AOPEP: variants seen among roughly 807,000 people sequenced by gnomAD.
The protein encoded by AOPEP is aminopeptidase O.
In AOPEP, 77 loss-of-function variants were observed where a neutral mutation model predicts 98.1. The ratio of observed to expected loss-of-function variants is 0.78; its 90% CI spans 0.65 to 0.95. The LOEUF is 0.95. AOPEP is among the 40% of genes least tolerant of loss of function. The pLI, the probability that AOPEP is intolerant of heterozygous loss-of-function variation, is 0.00. For synonymous variants in AOPEP, 346 were observed against 365.3 expected, an observed-to-expected ratio of 0.95 and a Z score of 0.60; for missense variants, 1,024 against 1,024.7, an observed-to-expected ratio of 1.00 and a Z score of 0.01.
rs974551445 is a variant in AOPEP at position 94,934,315 on chromosome 9, C to CTTTTTTTTTTTTT, written c.1661+5791_1661+5803dup. ...CTGACTATGCTCACACTTCTCCCAT[C>CTTTTTTTTTTTTT]TTTTTTTTTTTTTTTTTTTGAGACA... On this transcript the variant is annotated intron_variant, in intron 7 of 16. Coordinates refer to ENST00000375315, the MANE Select transcript of AOPEP (RefSeq NM_001193329.3). Among the ~76,000 whole-genome samples, 6 of 116,742 alleles carry CTTTTTTTTTTTTT rather than the reference C, an allele frequency of 5.1e-5. 1 individual carries two copies. Among genetic ancestry groups the CTTTTTTTTTTTTT allele is most frequent in the African/African-American group, 2.4e-4 (6 of 25,184 alleles). The allele number at this position is 116,742 out of a possible 152,430, so 76.6% of individuals were successfully genotyped here. A position where few individuals can be genotyped will look rare whatever the true frequency, so the allele number is the denominator to read the frequency against.
chr9:94,825,296 C>T (rs1437370442), intron 5 of AOPEP, among the ~76,000 whole-genome samples: 1 of 152,226 alleles, frequency 6.6e-6, no homozygotes, highest in Non-Finnish European at 1.5e-5. Flanking sequence ...GCCCCGCATC[C>T]TGCTGTTTTG....
intron 14 of AOPEP, among the ~76,000 whole-genome samples, chr9:95,075,758 A>G (rs7032704): frequency 0.016 from 2,374 of 152,256 alleles, 62 homozygotes; most frequent in African/African-American, 0.054. Context: ...GTGGTGGTAC[A>G]TTCCTGTAGT....
the AOPEP span, chr9:95,114,615 C>T: frequency 2.5e-6 from 4 of 1,610,466 alleles, no homozygotes; most frequent in Non-Finnish European, 3.4e-6. Context: ...TGGGAGTGGT[C>T]AGTGTTTGCT....
chr9:94,879,988 C>A (rs1351686593), intron 5 of AOPEP, among the ~76,000 whole-genome samples: 1 of 152,218 alleles, frequency 6.6e-6, no homozygotes, highest in Non-Finnish European at 1.5e-5. Flanking sequence ...ATTGAATTTA[C>A]ATTTTTTTAG....
At chr9:95,021,490 A>G (rs887852364) in intron 13 of AOPEP, among the ~76,000 whole-genome samples, 2 of 152,234 alleles carry the variant, frequency 1.3e-5, no homozygotes, top group African/African-American at 4.8e-5. Context: ...TTGGTCAACA[A>G]TAGCATTACC....
the AOPEP span, chr9:95,099,684 G>C: frequency 4.3e-6 from 1 of 231,994 alleles, no homozygotes; most frequent in African/African-American, 2.2e-5. Flanking sequence ...TCCCCAGAGG[G>C]ACAGTCCTCC....
intron 16 of AOPEP, chr9:95,085,332 C>T (rs762136767): frequency 1.9e-5 from 9 of 483,818 alleles, no homozygotes; most frequent in African/African-American, 1.8e-4. Flanking sequence ...TGGTCGCGCT[C>T]ACTGCAGATT....
At chr9:94,956,065 G>T in intron 9 of AOPEP, 50 bp downstream of exon 9, 1 of 1,069,122 alleles carries the variant, frequency 9.4e-7, no homozygotes, top group South Asian at 1.4e-5. Flanking sequence ...GAGGGGGTAT[G>T]GCACATGAAG....
intron 5 of AOPEP, among the ~76,000 whole-genome samples, chr9:94,801,380 A>G (rs117869959): frequency 0.014 from 2,149 of 152,332 alleles, 48 homozygotes; most frequent in East Asian, 0.089. Context: ...GGGCACAGTA[A>G]CATGACTTGG....
At chr9:95,133,273 A>G in the AOPEP span, among the ~76,000 whole-genome samples, 2 of 152,258 alleles carry the variant, frequency 1.3e-5, no homozygotes, top group Non-Finnish European at 2.9e-5. Flanking sequence ...GCTTCCAGCC[A>G]TCGTCTGTAT....
the AOPEP span, chr9:95,126,872 G>C: frequency 2.5e-6 from 1 of 398,310 alleles, no homozygotes; most frequent in South Asian, 2.5e-5. Flanking sequence ...GTAAGTATTA[G>C]AGAAACTTTA....
At chr9:95,092,357 G>A in the AOPEP span, among the ~76,000 whole-genome samples, 1 of 152,064 alleles carries the variant, frequency 6.6e-6, no homozygotes, top group African/African-American at 2.4e-5. Flanking sequence ...ACCCCTACCT[G>A]ACCCTGGCAG....
rs557769215 is a variant in AOPEP, at chr9:95,048,501, A to T, written c.2116-12193A>T. On this transcript the variant is annotated intron_variant, in intron 13 of 16. Coordinates refer to ENST00000375315, the MANE Select transcript of AOPEP (RefSeq NM_001193329.3). ...CGAGGTGCCGGCGGCCGAGATACTCACGGGCGCGGGACCTGGCCGGGAGAC... is the reference window on the plus strand; with the variant it reads ...CGAGGTGCCGGCGGCCGAGATACTCTCGGGCGCGGGACCTGGCCGGGAGAC... 2.2e-4 allele frequency among the ~76,000 whole-genome samples: 33 copies of T among 152,094 alleles called. No individual in the cohort carries two copies. The East Asian group carries it at 5.8e-3, about 27-fold the overall frequency.
At chr9:94,870,373 AATC>A (rs1412554985) in intron 5 of AOPEP, among the ~76,000 whole-genome samples, 5 of 152,232 alleles carry the variant, frequency 3.3e-5, no homozygotes, top group African/African-American at 1.2e-4. Flanking sequence ...AATTAATAAT[AATC>A]ATTTTCATTT....
intron 4 of AOPEP, among the ~76,000 whole-genome samples, chr9:94,799,157 T>G (rs1266602983): frequency 6.6e-6 from 1 of 152,184 alleles, no homozygotes; most frequent in African/African-American, 2.4e-5. Flanking sequence ...AAGTGAAAGG[T>G]ACTTCTTACA....
chr9:94,791,673 C>T (rs562895346), intron 3 of AOPEP, among the ~76,000 whole-genome samples: 4 of 152,010 alleles, frequency 2.6e-5, no homozygotes, highest in East Asian at 1.9e-4. Context: ...CAACAGAGCG[C>T]GACCCTGTCT....
At chr9:95,020,430 A>G (rs1461638837) in intron 13 of AOPEP, among the ~76,000 whole-genome samples, 1 of 152,160 alleles carries the variant, frequency 6.6e-6, no homozygotes, top group East Asian at 1.9e-4. Flanking sequence ...ACTGAGTCAG[A>G]TTTTGAGAGA....
rs531781809 is a variant in AOPEP at position 95,020,765 on chromosome 9, A to G, written c.2115+15149A>G. 3.7e-3 allele frequency among the ~76,000 whole-genome samples: 563 copies of G among 152,014 alleles called. 3 individuals are homozygous for G. Among genetic ancestry groups the G allele is most frequent in the Middle Eastern group, 6.8e-3 (2 of 294 alleles). On this transcript the variant is annotated intron_variant, in intron 13 of 16. Coordinates refer to ENST00000375315, the MANE Select transcript of AOPEP (RefSeq NM_001193329.3). ...AAACCCCGTCTCTACTAAAAATGCAAAAATTAGCCAGGTGTGGTGGTGCAT... is the reference window on the plus strand; with the variant it reads ...AAACCCCGTCTCTACTAAAAATGCAGAAATTAGCCAGGTGTGGTGGTGCAT...
chr9:94,767,185 T>C (rs1351279155), intron 2 of AOPEP, among the ~76,000 whole-genome samples: 1 of 152,216 alleles, frequency 6.6e-6, no homozygotes, highest in Non-Finnish European at 1.5e-5. Context: ...AGAACTAAAG[T>C]GGAATACACA....
Sources: allele counts gnomAD v4.1 joint callset (sites outside exome capture counted in the v4.1 genomes callset), GRCh38; gene constraint gnomAD v4.1.1; transcripts MANE v1.5; gene names NCBI Gene and HGNC (gene_info 2026-07-23, HGNC 2026-07-21).